PTPRE: variants seen among roughly 807,000 people sequenced by gnomAD.
The protein encoded by PTPRE is protein tyrosine phosphatase receptor type E, also known as receptor-type tyrosine-protein phosphatase epsilon.
In PTPRE, 51 loss-of-function variants were observed where a neutral mutation model predicts 102.0. The ratio of observed to expected loss-of-function variants is 0.50; its 90% CI spans 0.40 to 0.63. PTPRE has a LOEUF of 0.63. Ranked by LOEUF, PTPRE falls within the 30% of genes least tolerant of loss-of-function variation. The probability of loss-of-function intolerance (pLI) is 0.00; values close to 1 mark genes in which losing one functional copy is unlikely to be tolerated. For missense variants in PTPRE, 752 were observed against 915.1 expected (o/e 0.82, Z 2.30); for synonymous variants, 345 against 348.2 (o/e 0.99, Z 0.10).
intron 1 of PTPRE, among the ~76,000 whole-genome samples, chr10:127,908,971 G>A (rs2135116912): frequency 6.6e-6 from 1 of 152,376 alleles, no homozygotes; most frequent in Non-Finnish European, 1.5e-5. Context: ...AAGTCGATGA[G>A]GGTGTTATTG....
intron 6 of PTPRE, 131 bp downstream of exon 6, chr10:128,049,797 G>T (rs1228035689): frequency 2.3e-6 from 3 of 1,303,676 alleles, no homozygotes; most frequent in Non-Finnish European, 3.1e-6. Flanking sequence ...CCCATGAATG[G>T]GCGTGTGAGG....
chr10:127,969,881 G>A (rs768650256), intron 1 of PTPRE, among the ~76,000 whole-genome samples: 1 of 151,748 alleles, frequency 6.6e-6, no homozygotes, highest in East Asian at 1.9e-4. Flanking sequence ...TGGAGCATCC[G>A]TGGCTTTGCT....
intron 1 of PTPRE, among the ~76,000 whole-genome samples, chr10:127,950,996 C>G (rs1036800944): frequency 4.6e-5 from 7 of 152,010 alleles, no homozygotes; most frequent in African/African-American, 1.7e-4. Flanking sequence ...TCTTGAGAGG[C>G]TGAGGCAGGA....
intron 19 of PTPRE, among the ~76,000 whole-genome samples, chr10:128,079,125 C>A (rs1283882401): frequency 1.3e-5 from 2 of 152,146 alleles, no homozygotes; most frequent in South Asian, 2.1e-4. Flanking sequence ...TCAGAAGACA[C>A]CCCTGGCACA....
chr10:127,956,505 G>A (rs778299842), intron 1 of PTPRE, among the ~76,000 whole-genome samples: 14 of 152,184 alleles, frequency 9.2e-5, no homozygotes, highest in Non-Finnish European at 1.8e-4. Context: ...TTCCAAGTTT[G>A]GGCAATTAAG....
At chr10:127,957,757 C>G (rs963014061) in intron 1 of PTPRE, among the ~76,000 whole-genome samples, 4 of 152,192 alleles carry the variant, frequency 2.6e-5, no homozygotes, top group Non-Finnish European at 5.9e-5. Context: ...GAGATTTTGA[C>G]TGGGATTGCA....
chr10:128,079,895 G>A (rs1011818595), intron 20 of PTPRE, among the ~76,000 whole-genome samples, 200 bp downstream of exon 20: 1 of 152,190 alleles, frequency 6.6e-6, no homozygotes, highest in African/African-American at 2.4e-5. Context: ...GGTGTCTTCT[G>A]GGCAAGACCC....
In PTPRE at chr10:127,907,716, T is replaced by G. The variant is rs1290820847; in HGVS notation, c.-31+407T>G. 6.6e-6 allele frequency among the ~76,000 whole-genome samples: 1 copy of G among 151,664 alleles called. No individual in the cohort carries two copies. Among genetic ancestry groups the G allele is most frequent in the Non-Finnish European group, 1.5e-5 (1 of 67,936 alleles). On this transcript the variant is annotated intron_variant, in intron 1 of 20. Coordinates refer to ENST00000254667, the MANE Select transcript of PTPRE (RefSeq NM_006504.6). The surrounding 1 kb of genome is among the most constrained non-coding windows in gnomAD (Gnocchi z 4.8). Reference sequence around the variant, plus strand: ...GCCGCGCGTGGGGGGCTGCGCCCACTCGAGGCTGGAGGCTGGAGCCTTTGA... The same window carrying G: ...GCCGCGCGTGGGGGGCTGCGCCCACGCGAGGCTGGAGGCTGGAGCCTTTGA...
At chr10:127,961,485 C>T (rs1046681676) in intron 1 of PTPRE, among the ~76,000 whole-genome samples, 9 of 152,172 alleles carry the variant, frequency 5.9e-5, no homozygotes, top group Admixed American at 5.9e-4. Context: ...CAAGATGCAA[C>T]AGGACAGGGA....
At position 128,070,759 on chromosome 10, in the gene PTPRE, C is replaced by T. The variant is rs768000998; in HGVS notation, c.1294-49C>T. 13 of 1,570,702 alleles carry T rather than the reference C, an allele frequency of 8.3e-6. No homozygotes were observed. Among genetic ancestry groups the T allele is most frequent in the South Asian group, 1.1e-5 (1 of 89,278 alleles). On this transcript the variant is annotated intron_variant, in intron 14 of 20. Transcript: ENST00000254667. The surrounding 1 kb of genome is among the most constrained non-coding windows in gnomAD (Gnocchi z 4.8). ...CTAGTCCTCGGCTGAGCAATGTGCT[C>T]AGGAGTGTCAGAGGTTTAACTGTGT...
At chr10:127,981,801 A>G (rs908350037) in intron 1 of PTPRE, among the ~76,000 whole-genome samples, 3 of 150,808 alleles carry the variant, frequency 2.0e-5, no homozygotes, top group Non-Finnish European at 4.4e-5. Flanking sequence ...TGGGCGACAG[A>G]GCAAGACTCA....
At chr10:127,939,003 A>G (rs1177529434) in intron 1 of PTPRE, among the ~76,000 whole-genome samples, 1 of 152,246 alleles carries the variant, frequency 6.6e-6, no homozygotes, top group Non-Finnish European at 1.5e-5. Context: ...GAAGAACGCA[A>G]GGAACCCAGC....
chr10:128,070,365 A>C lies in PTPRE; in HGVS notation c.1208A>C (p.Asp403Ala). 1 of 1,614,186 alleles carries C rather than the reference A, an allele frequency of 6.2e-7. No homozygotes were observed. Among genetic ancestry groups the C allele is most frequent in the Non-Finnish European group, 8.5e-7 (1 of 1,180,036 alleles). The change falls in exon 14 of 21, where the codon GAC becomes GCC. Residue 403 changes from aspartate to alanine, a missense_variant. Asp to Ala is a moderately radical substitution (Grantham distance 126, BLOSUM62 -2). Transcript: ENST00000254667. This position sits in a 1 kb window ranked among gnomAD's most constrained non-coding sequence, Gnocchi z 4.8. ...EYYLYGDTELDVSSLEKHLQT... is the reference protein window; with the variant it reads ...EYYLYGDTELAVSSLEKHLQT... ...TACCTCTACGGGGACACAGAGCTGG[A>C]CGTGTCCTCCCTGGAGAAGCACCTG...
chr10:128,061,234 G>T (rs1331740869), intron 8 of PTPRE, among the ~76,000 whole-genome samples: 1 of 152,226 alleles, frequency 6.6e-6, no homozygotes, highest in Non-Finnish European at 1.5e-5. Flanking sequence ...GTTCACTACA[G>T]CATTATGTAT....
intron 1 of PTPRE, among the ~76,000 whole-genome samples, chr10:127,951,260 A>G (rs1251765632): frequency 6.6e-6 from 1 of 152,028 alleles, no homozygotes; most frequent in Non-Finnish European, 1.5e-5. Context: ...TAGACCCAGA[A>G]CCCCTTGGGT....
chr10:128,064,320 G>T (rs115858945), intron 10 of PTPRE, among the ~76,000 whole-genome samples: 2 of 152,380 alleles, frequency 1.3e-5, no homozygotes, highest in East Asian at 1.9e-4. Context: ...TTCTGCTCTG[G>T]GGGGAGCTGA....
In PTPRE at chr10:128,069,801, C is replaced by T. The variant is rs1384310547; in HGVS notation, c.1117C>T (p.Gln373Ter). The T allele has an allele frequency of 6.2e-7, 1 of 1,614,240 alleles. No homozygotes were observed. Among genetic ancestry groups the T allele is most frequent in the Admixed American group, 1.7e-5 (1 of 60,026 alleles). Reference sequence around the variant, plus strand: ...TGAATTTGTGTCTCGAATCCGTAATCAGCGCCCTCAGATGGTTCAAACGGA... The same window carrying T: ...TGAATTTGTGTCTCGAATCCGTAATTAGCGCCCTCAGATGGTTCAAACGGA... ...VFEFVSRIRN[Q>*]RPQMVQTDMQ... The change falls in exon 13 of 21, where the codon CAG (glutamine) becomes TAG (stop). Residue 373 changes from glutamine to a stop codon, truncating the protein, a stop_gained. Transcript: ENST00000254667. LOFTEE classifies it high-confidence loss of function.
chr10:127,960,098 G>C (rs1849684663), intron 1 of PTPRE, among the ~76,000 whole-genome samples: 1 of 152,196 alleles, frequency 6.6e-6, no homozygotes, highest in African/African-American at 2.4e-5. Context: ...GGCAGACGCA[G>C]GTCAGAAAGG....
At chr10:127,932,661 A>C (rs73376103) in intron 1 of PTPRE, among the ~76,000 whole-genome samples, 21,915 of 152,156 alleles carry the variant, frequency 0.14, 1,771 homozygotes, top group African/African-American at 0.21. Context: ...CTCCCACTCA[A>C]CACTCCCTGC....
Sources: gnomAD v4.1 joint callset for allele counts (sites outside exome capture counted in the v4.1 genomes callset) on GRCh38, gnomAD v4.1.1 for gene constraint, Gnocchi (gnomAD v3.1) non-coding constraint, MANE v1.5 for transcripts, NCBI Gene and HGNC (gene_info 2026-07-23, HGNC 2026-07-21) for gene names.